Variants in CCDC6 observed in about 807,000 individuals in gnomAD.
CCDC6 encodes the protein coiled-coil domain containing 6.
Under a neutral mutation model 56.6 loss-of-function variants are expected in CCDC6, and 20 were observed. The observed-to-expected ratio is 0.35, with a 90% CI of 0.25 to 0.51. The LOEUF (loss-of-function observed/expected upper bound fraction) is 0.51. Among genes scored for constraint, CCDC6 ranks in the 20% least tolerant of loss-of-function variants. CCDC6 has a pLI of 0.95. For synonymous variants in CCDC6, 241 were observed against 234.4 expected, an observed-to-expected ratio of 1.03 and a Z score of -0.26; for missense variants, 367 against 601.1, an observed-to-expected ratio of 0.61 and a Z score of 4.07.
intron 1 of CCDC6, among the ~76,000 whole-genome samples, chr10:59,900,460 A>G (rs1466128388): frequency 2.6e-5 from 4 of 152,152 alleles, no homozygotes; most frequent in African/African-American, 9.7e-5. Context: ...GTAGTAAAGG[A>G]GTGATGTGAG....
At chr10:59,869,157 G>A (rs960392230) in intron 1 of CCDC6, among the ~76,000 whole-genome samples, 1 of 151,842 alleles carries the variant, frequency 6.6e-6, no homozygotes, top group African/African-American at 2.4e-5. Context: ...AATGATCTCA[G>A]TGTAGTGCTA....
At chr10:59,814,599 AACACACACACAC>A in intron 4 of CCDC6, 41 bp downstream of exon 4, 1 of 927,200 alleles carries the variant, frequency 1.1e-6, no homozygotes, top group Non-Finnish European at 1.8e-6. Flanking sequence ...CCAGAGCAGC[AACACACACACAC>A]ACACACACAC....
chr10:59,834,989 C>T (rs991921394), intron 2 of CCDC6, among the ~76,000 whole-genome samples: 8 of 152,222 alleles, frequency 5.3e-5, no homozygotes, highest in Admixed American at 3.3e-4. Context: ...GAATGGTAGG[C>T]GAGATCTATA....
chr10:59,867,726 GTAT>G (rs1054798819), intron 1 of CCDC6, among the ~76,000 whole-genome samples: 9 of 152,028 alleles, frequency 5.9e-5, no homozygotes, highest in African/African-American at 1.7e-4. Flanking sequence ...GTTAGCTTTT[GTAT>G]TATTATTATC....
intron 1 of CCDC6, among the ~76,000 whole-genome samples, chr10:59,858,380 A>G (rs759485351): frequency 1.1e-4 from 16 of 152,306 alleles, no homozygotes; most frequent in Non-Finnish European, 2.2e-4. Flanking sequence ...GCAAGTCACT[A>G]ATATATACAG....
intron 3 of CCDC6, among the ~76,000 whole-genome samples, chr10:59,818,105 C>T (rs943714459): frequency 6.6e-6 from 1 of 152,044 alleles, no homozygotes; most frequent in Non-Finnish European, 1.5e-5. Context: ...GGATTTAGGG[C>T]AAATCAAGCT....
chr10:59,906,529 G>T lies in CCDC6; in HGVS notation c.-105C>A. 9.8e-7 allele frequency: 1 copy of T among 1,024,242 alleles called. No homozygotes were observed. Among genetic ancestry groups the T allele is most frequent in the Non-Finnish European group, 1.3e-6 (1 of 750,130 alleles). The allele number at this position is 1,024,242 out of a possible 1,614,324, so 63.4% of individuals were successfully genotyped here. On this transcript the variant is annotated 5_prime_UTR_variant, in exon 1 of 9. Transcript: ENST00000263102. ...CCGGGCGAGCACAGGGGAGCGCCGA[G>T]CTGAGCGCCTGGCACCAGGGCGCAG... is the stretch of plus-strand genomic sequence containing the variant.
intron 1 of CCDC6, among the ~76,000 whole-genome samples, chr10:59,860,240 C>T (rs1402929523): frequency 6.6e-6 from 1 of 152,154 alleles, no homozygotes; most frequent in East Asian, 1.9e-4. Flanking sequence ...ATCCCCAGGA[C>T]TCAGACACAG....
At chr10:59,874,437 T>A (rs1419900490) in intron 1 of CCDC6, among the ~76,000 whole-genome samples, 2 of 152,156 alleles carry the variant, frequency 1.3e-5, no homozygotes, top group East Asian at 3.9e-4. Context: ...CAGAGATCAA[T>A]ATACAAAGAT....
At chr10:59,818,726 G>T (rs1028905304) in intron 3 of CCDC6, among the ~76,000 whole-genome samples, 2 of 152,104 alleles carry the variant, frequency 1.3e-5, no homozygotes, top group Non-Finnish European at 2.9e-5. Flanking sequence ...TGTGCCCTGA[G>T]CTGCCAGGAC....
chr10:59,860,175 T>C (rs1284947267), intron 1 of CCDC6, among the ~76,000 whole-genome samples: 1 of 152,184 alleles, frequency 6.6e-6, no homozygotes, highest in Non-Finnish European at 1.5e-5. Context: ...TGCTTCAGCA[T>C]GACAGGCATA....
rs991463469 is a variant in CCDC6, at chr10:59,906,439, G to A, written c.-15C>T. 2 of 1,498,030 alleles carry A rather than the reference G, an allele frequency of 1.3e-6. No individual in the cohort carries two copies. The highest frequency in any genetic ancestry group is 2.4e-4 in the Middle Eastern group (1 of 4,206). 92.8% of individuals were successfully genotyped at this position (1,498,030 alleles called of 1,614,324 possible). ...CTGTCCGCCATGGCCGCGGCGGGCTGGGGAAAGGAGGAGGAGCAGCAGGGA... is the reference window on the plus strand; with the variant it reads ...CTGTCCGCCATGGCCGCGGCGGGCTAGGGAAAGGAGGAGGAGCAGCAGGGA... On this transcript the variant is annotated 5_prime_UTR_variant, in exon 1 of 9. Coordinates refer to ENST00000263102, the MANE Select transcript of CCDC6 (RefSeq NM_005436.5).
chr10:59,878,461 A>C (rs1016786914), intron 1 of CCDC6, among the ~76,000 whole-genome samples: 1 of 152,180 alleles, frequency 6.6e-6, no homozygotes, highest in Non-Finnish European at 1.5e-5. Context: ...CTCGCCATTT[A>C]TATCAGCCAG....
intron 3 of CCDC6, among the ~76,000 whole-genome samples, chr10:59,829,426 C>T (rs1258093212): frequency 6.6e-6 from 1 of 152,118 alleles, no homozygotes; most frequent in African/African-American, 2.4e-5. Flanking sequence ...TGGCATATGA[C>T]TAAGAAAAAT....
chr10:59,831,092 T>C (rs1480662864), intron 3 of CCDC6, among the ~76,000 whole-genome samples: 1 of 152,204 alleles, frequency 6.6e-6, no homozygotes, highest in Non-Finnish European at 1.5e-5. Flanking sequence ...CTGGAGCTAC[T>C]GCCTATCCTG....
In CCDC6 at chr10:59,792,958, T is replaced by A. The variant is rs1378757870; in HGVS notation, c.1384A>T (p.Thr462Ser). 6.2e-7 allele frequency: 1 copy of A among 1,611,904 alleles called. No individual in the cohort carries two copies. Among genetic ancestry groups the A allele is most frequent in the Admixed American group, 1.7e-5 (1 of 59,890 alleles). The change falls in exon 9 of 9, where the codon ACT becomes TCT. Residue 462 changes from threonine to serine, a missense_variant. Transcript: ENST00000263102. Reference protein sequence around the residue: ...TVPSAATSQPTPSQHSAHPSS... With the variant: ...TVPSAATSQPSPSQHSAHPSS... Reference sequence around the variant, plus strand: ...GGGTGCGCCGAATGTTGCGAAGGAGTAGGCTGCGAGGTGGCTGCTGAGGGG... The same window carrying A: ...GGGTGCGCCGAATGTTGCGAAGGAGAAGGCTGCGAGGTGGCTGCTGAGGGG...
At position 59,814,669 on chromosome 10, in the gene CCDC6, C is replaced by T; in HGVS notation, c.669G>A (p.Lys223=). ...LVNRLWKRMD[K]LEAEKRILQE... ...AAACAAACCGCTTTTCAGCTTCAAG[C>T]TTATCCATCCTTTTCCAGAGGCGAT... Residue 223 remains lysine, a synonymous_variant, in exon 4 of 9, where the codon AAG becomes AAA. Transcript: ENST00000263102. The T allele has an allele frequency of 6.2e-7, 1 of 1,611,900 alleles. No homozygotes were observed.
intron 1 of CCDC6, among the ~76,000 whole-genome samples, chr10:59,859,425 A>G (rs2071108927): frequency 6.6e-6 from 1 of 152,212 alleles, no homozygotes; most frequent in African/African-American, 2.4e-5. Flanking sequence ...TAACTTTATA[A>G]AACATTTAGA....
At chr10:59,882,026 C>CT (rs1564755796) in intron 1 of CCDC6, among the ~76,000 whole-genome samples, 4 of 51,478 alleles carry the variant, frequency 7.8e-5, no homozygotes, top group Non-Finnish European at 1.6e-4. Context: ...AGGAAAGCCG[C>CT]GGGGAGAAGG....
Sources: allele counts gnomAD v4.1 joint callset (sites outside exome capture counted in the v4.1 genomes callset), GRCh38; gene constraint gnomAD v4.1.1; transcripts MANE v1.5; gene names NCBI Gene and HGNC (gene_info 2026-07-23, HGNC 2026-07-21).